The following SBF2 variants were observed in gnomAD, a reference collection of about 807,000 sequenced individuals.
The protein encoded by SBF2 is myotubularin-related protein 13.
In SBF2, 112 loss-of-function variants were observed where a neutral mutation model predicts 225.2. The observed-to-expected ratio is 0.50, with a 90% confidence interval of 0.43 to 0.58. The LOEUF (loss-of-function observed/expected upper bound fraction) is 0.58. Ranked by LOEUF, SBF2 falls within the 20% of genes least tolerant of loss-of-function variation. The pLI, the probability that SBF2 is intolerant of heterozygous loss-of-function variation, is 0.00. For synonymous variants in SBF2, 763 were observed against 773.3 expected (o/e 0.99, Z 0.22); for missense variants, 1,996 against 2,206.2 (o/e 0.90, Z 1.91).
intron 2 of SBF2, among the ~76,000 whole-genome samples, chr11:10,066,563 G>C (rs559143367): frequency 6.6e-6 from 1 of 152,214 alleles, no homozygotes; most frequent in East Asian, 1.9e-4. Flanking sequence ...TTTGACAAAA[G>C]TGAGCAAACA....
At chr11:10,071,188 C>A (rs916237072) in intron 2 of SBF2, among the ~76,000 whole-genome samples, 2 of 151,904 alleles carry the variant, frequency 1.3e-5, no homozygotes, top group African/African-American at 2.4e-5. Context: ...CTGGAACCTC[C>A]AACACTAAGT....
In SBF2 at chr11:10,173,590, G is replaced by A. The variant is rs201474508; in HGVS notation, c.141+20312C>T. On this transcript the variant is annotated intron_variant, in intron 2 of 39. Transcript: ENST00000256190. ...GCGGCAGCGAGGCTGGGGGAGGGGC[G>A]CCCACCATTGCCCAGGCTTGCTTAG... Among the ~76,000 whole-genome samples, 54 of 152,216 alleles carry A rather than the reference G, an allele frequency of 3.5e-4. No individual in the cohort carries two copies. In the East Asian group the frequency reaches 9.7e-3, roughly 27 times the overall value.
intron 17 of SBF2, among the ~76,000 whole-genome samples, chr11:9,891,742 A>G (rs372356837): frequency 6.6e-6 from 1 of 152,264 alleles, no homozygotes; most frequent in African/African-American, 2.4e-5. Flanking sequence ...GTAAAAGTGG[A>G]AAGAAGTAAG....
intron 9 of SBF2, among the ~76,000 whole-genome samples, chr11:9,996,729 T>C (rs1448698458): frequency 2.0e-5 from 3 of 152,212 alleles, no homozygotes; most frequent in East Asian, 3.8e-4. Context: ...TAGATGATAG[T>C]TGAGCAATGA....
intron 2 of SBF2, among the ~76,000 whole-genome samples, chr11:10,047,602 T>C (rs77471621): frequency 3.1e-4 from 47 of 152,300 alleles, no homozygotes; most frequent in African/African-American, 1.1e-3. Context: ...CCCATCTCTT[T>C]GACATTTTCC....
chr11:9,903,887 C>T (rs1318720060), intron 16 of SBF2, among the ~76,000 whole-genome samples: 1 of 152,132 alleles, frequency 6.6e-6, no homozygotes, highest in Admixed American at 6.5e-5. Context: ...TCTTAATGCT[C>T]ATGCCCAGGA....
At chr11:10,003,703 T>G (rs1325474602) in intron 6 of SBF2, among the ~76,000 whole-genome samples, 1 of 152,072 alleles carries the variant, frequency 6.6e-6, no homozygotes, top group Non-Finnish European at 1.5e-5. Flanking sequence ...TTTTTCCTTC[T>G]TTTCAATTTC....
chr11:10,109,437 A>C (rs1382771062), intron 2 of SBF2, among the ~76,000 whole-genome samples: 1 of 152,220 alleles, frequency 6.6e-6, no homozygotes, highest in Admixed American at 6.5e-5. Flanking sequence ...AAAGTTTGAC[A>C]GTATTATTTT....
chr11:9,883,780 T>A (rs1212531020), intron 17 of SBF2, among the ~76,000 whole-genome samples: 1 of 152,164 alleles, frequency 6.6e-6, no homozygotes. Flanking sequence ...TGTGATAAAT[T>A]AAAAATAAGT....
chr11:10,206,398 T>A lies in SBF2; in HGVS notation c.56-12411A>T, dbSNP rs79975106. 6.0e-3 allele frequency among the ~76,000 whole-genome samples: 912 copies of A among 152,136 alleles called. 17 individuals are homozygous for A. Among genetic ancestry groups the A allele is most frequent in the African/African-American group, 0.02 (828 of 41,530 alleles). On this transcript the variant is annotated intron_variant, in intron 1 of 39. Transcript: ENST00000256190. ...CTACAAAATTAGACTATGGTCTACA[T>A]GCTAACTCTAAACACAAAAACTAAC...
At chr11:9,972,340 G>A (rs6483860) in intron 13 of SBF2, among the ~76,000 whole-genome samples, 1 of 151,914 alleles carries the variant, frequency 6.6e-6, no homozygotes, top group African/African-American at 2.4e-5. Context: ...TAAAAAATAT[G>A]TATTCTCTTA....
intron 28 of SBF2, among the ~76,000 whole-genome samples, chr11:9,827,346 A>C (rs1855129147): frequency 1.3e-5 from 2 of 152,122 alleles, no homozygotes; most frequent in Non-Finnish European, 2.9e-5. Flanking sequence ...TGGGCAACAT[A>C]GTAAGACTCT....
chr11:9,997,923 A>G (rs749430305), intron 9 of SBF2, among the ~76,000 whole-genome samples: 40 of 152,232 alleles, frequency 2.6e-4, no homozygotes, highest in Non-Finnish European at 4.9e-4. Flanking sequence ...TAGAGAAGAG[A>G]AGCCAACATC....
intron 1 of SBF2, among the ~76,000 whole-genome samples, chr11:10,291,657 A>AACACACACAC (rs10580039): frequency 6.2e-5 from 9 of 146,076 alleles, no homozygotes; most frequent in African/African-American, 2.3e-4. Flanking sequence ...TAATCCACTA[A>AACACACACAC]ACACACACAC....
At chr11:10,088,701 G>A (rs1473155167) in intron 2 of SBF2, among the ~76,000 whole-genome samples, 1 of 152,196 alleles carries the variant, frequency 6.6e-6, no homozygotes, top group African/African-American at 2.4e-5. Flanking sequence ...CTGCAGAAAG[G>A]TATTAATCTA....
In SBF2 at chr11:9,787,697, C is replaced by T. The variant is rs1315645962; in HGVS notation, c.4974G>A (p.Glu1658=). Residue 1658 remains glutamate, a synonymous_variant, in exon 36 of 40, where the codon GAG becomes GAA. Coordinates refer to ENST00000256190, the MANE Select transcript of SBF2 (RefSeq NM_030962.4). ...KLEHKLNQAP[E]KWQQLWERVT... is the part of the protein sequence containing the mutation. ...CCCTTTCCCACAGCTGCTGCCACTT[C>T]TCAGGGGCTTGGTTCAATTTGTGCT... 1.9e-6 allele frequency: 3 copies of T among 1,614,228 alleles called. No homozygotes were observed.
chr11:10,265,857 T>TTG (rs10616720), intron 1 of SBF2, among the ~76,000 whole-genome samples: 5,938 of 150,250 alleles, frequency 0.04, 360 homozygotes, highest in East Asian at 0.2. Flanking sequence ...GCCAGGCTAA[T>TTG]TGTGTGTGTG....
chr11:10,295,012 T>G (rs1457354229), upstream of SBF2, among the ~76,000 whole-genome samples: 1 of 152,278 alleles, frequency 6.6e-6, no homozygotes. Context: ...CAAAGTCGCT[T>G]GCTTTTTTGT....
intron 2 of SBF2, 148 bp downstream of exon 2, chr11:10,193,754 G>C: frequency 1.5e-6 from 1 of 681,784 alleles, no homozygotes; most frequent in Non-Finnish European, 2.6e-6. Context: ...TGAGGGACTA[G>C]GAGGGAAGAT....
Sources: gnomAD v4.1 joint callset for allele counts (sites outside exome capture counted in the v4.1 genomes callset) on GRCh38, gnomAD v4.1.1 for gene constraint, MANE v1.5 for transcripts, NCBI Gene and HGNC (gene_info 2026-07-23, HGNC 2026-07-21) for gene names.